Variants in C8A observed in about 807,000 individuals in gnomAD.
C8A encodes the protein complement C8 alpha chain, also known as complement component C8 alpha chain.
A neutral mutation model predicts 65.3 loss-of-function variants in C8A; 67 were observed. The ratio of observed to expected loss-of-function variants is 1.03; its 90% CI spans 0.84 to 1.26. The LOEUF (loss-of-function observed/expected upper bound fraction) is 1.26. Ranked by LOEUF, C8A falls within the 50% of genes most tolerant of loss-of-function variation. The pLI, the probability that C8A is intolerant of heterozygous loss-of-function variation, is 0.00. For missense variants in C8A, 781 were observed against 723.9 expected (o/e 1.08, Z -0.90); for synonymous variants, 290 against 259.4 (o/e 1.12, Z -1.13).
intron 9 of C8A, among the ~76,000 whole-genome samples, chr1:56,911,871 C>CA (rs1644510034): frequency 2.6e-5 from 4 of 152,200 alleles, no homozygotes; most frequent in African/African-American, 9.7e-5. Context: ...ACATTTAAAA[C>CA]ACACACTTTT....
At chr1:56,916,653 A>G (rs974014185) in intron 10 of C8A, among the ~76,000 whole-genome samples, 1 of 152,190 alleles carries the variant, frequency 6.6e-6, no homozygotes, top group Non-Finnish European at 1.5e-5. Flanking sequence ...CAAATAGAGC[A>G]GCTCCACTTT....
intron 7 of C8A, among the ~76,000 whole-genome samples, chr1:56,898,016 C>T (rs749368066): frequency 6.6e-6 from 1 of 152,084 alleles, no homozygotes; most frequent in African/African-American, 2.4e-5. Context: ...ACTTGCTAGA[C>T]CCTAAAGACA....
chr1:56,877,116 C>T (rs1570324738), intron 4 of C8A, among the ~76,000 whole-genome samples: 1 of 152,308 alleles, frequency 6.6e-6, no homozygotes, highest in East Asian at 1.9e-4. Flanking sequence ...CATGTGAGGA[C>T]ACAGCGAAAA....
chr1:56,868,538 C>T (rs758373527), intron 2 of C8A, among the ~76,000 whole-genome samples: 5 of 151,930 alleles, frequency 3.3e-5, no homozygotes, highest in Non-Finnish European at 5.9e-5. Context: ...GGATCACTTG[C>T]GCCCAGGAGT....
At position 56,898,262 on chromosome 1, in the gene C8A, T is replaced by A. The variant is rs566361008; in HGVS notation, c.1097-8405T>A. ...ATAGTGATGATAACAGTGGCTAGAG[T>A]CAGTGTTGACCTCTCAGAAACCACA... On this transcript the variant is annotated intron_variant, in intron 7 of 10. Transcript: ENST00000361249. Among the ~76,000 whole-genome samples, 31 of 151,492 alleles carry A rather than the reference T, an allele frequency of 2.0e-4. No homozygotes were observed. The South Asian group carries it at 6.3e-3, about 31-fold the overall frequency.
intron 1 of C8A, among the ~76,000 whole-genome samples, chr1:56,862,993 A>C (rs950641448): frequency 2.0e-5 from 3 of 152,188 alleles, no homozygotes; most frequent in Non-Finnish European, 2.9e-5. Flanking sequence ...GGACTCAATA[A>C]TCTAATTGTT....
At chr1:56,856,105 T>G (rs1399689698) in intron 1 of C8A, among the ~76,000 whole-genome samples, 3 of 152,054 alleles carry the variant, frequency 2.0e-5, no homozygotes, top group African/African-American at 7.2e-5. Context: ...AAATTTCAAG[T>G]CAAGGCAAAA....
rs1644566126 is a variant in C8A, at chr1:56,917,820, C to A, written c.*104C>A. On this transcript the variant is annotated 3_prime_UTR_variant, in exon 11 of 11. Transcript: ENST00000361249. ...CTAAGAGAAGATGCAAATCAGCACA[C>A]TTTTTTCTTTGTTCTGCCAGCTTCC... 1.4e-6 allele frequency: 2 copies of A among 1,417,790 alleles called. No individual in the cohort carries two copies. Among genetic ancestry groups the A allele is most frequent in the Admixed American group, 3.7e-5 (2 of 53,462 alleles). The allele number at this position is 1,417,790 out of a possible 1,614,324, so 87.8% of individuals were successfully genotyped here.
intron 2 of C8A, among the ~76,000 whole-genome samples, chr1:56,869,628 C>T (rs767261086): frequency 6.6e-6 from 1 of 152,128 alleles, no homozygotes; most frequent in Non-Finnish European, 1.5e-5. Flanking sequence ...TATATTGCCA[C>T]CAGTAGTGTA....
intron 1 of C8A, 37 bp from the exon 2 acceptor site, chr1:56,867,572 A>G (rs750444461): frequency 4.8e-5 from 70 of 1,464,538 alleles, no homozygotes; most frequent in Non-Finnish European, 6.6e-5. Flanking sequence ...TAAATTTTGC[A>G]TCTCAAAATT....
chr1:56,917,478 A>C, intron 10 of C8A, 87 bp from the exon 11 acceptor site: 2 of 1,424,996 alleles, frequency 1.4e-6, no homozygotes, highest in Non-Finnish European at 2.0e-6. Flanking sequence ...CAAGGGTGCC[A>C]CACACCCCTC....
chr1:56,863,968 G>A (rs1169641791), intron 1 of C8A, among the ~76,000 whole-genome samples: 1 of 148,624 alleles, frequency 6.7e-6, no homozygotes, highest in African/African-American at 2.5e-5. Context: ...TATTTACTGA[G>A]CACTTTCCAT....
At chr1:56,911,896 G>A (rs1194106262) in intron 9 of C8A, among the ~76,000 whole-genome samples, 1 of 152,216 alleles carries the variant, frequency 6.6e-6, no homozygotes, top group African/African-American at 2.4e-5. Flanking sequence ...CTTCCTAAAT[G>A]TGGTGGAGAG....
rs919725761 is a variant in C8A, at chr1:56,909,867, T to C, written c.1380+1754T>C. 2.0e-5 allele frequency among the ~76,000 whole-genome samples: 3 copies of C among 152,182 alleles called. No homozygotes were observed. In the South Asian group the frequency reaches 6.2e-4, roughly 32 times the overall value. ...TTGAAGAAACAGGTTCAGCACAATA[T>C]CTCGAAATTGGCAAATGATAGAGTC... On this transcript the variant is annotated intron_variant, in intron 9 of 10. Coordinates refer to ENST00000361249, the MANE Select transcript of C8A (RefSeq NM_000562.3).
chr1:56,894,150 G>A (rs1382712281), intron 7 of C8A, among the ~76,000 whole-genome samples: 1 of 152,100 alleles, frequency 6.6e-6, no homozygotes, highest in African/African-American at 2.4e-5. Flanking sequence ...GGGGATAAGA[G>A]GAAGATCCAT....
At chr1:56,888,740 T>C (rs1160787771) in intron 7 of C8A, among the ~76,000 whole-genome samples, 1 of 152,084 alleles carries the variant, frequency 6.6e-6, no homozygotes, top group East Asian at 1.9e-4. Flanking sequence ...TTCAAAAACA[T>C]GAGGAAGGAA....
At chr1:56,878,552 C>T (rs1481792297) in intron 4 of C8A, among the ~76,000 whole-genome samples, 2 of 152,220 alleles carry the variant, frequency 1.3e-5, no homozygotes, top group Non-Finnish European at 2.9e-5. Flanking sequence ...TCCTGCTCCA[C>T]TCCAGCCACT....
chr1:56,875,357 T>C (rs1644188168), intron 3 of C8A, among the ~76,000 whole-genome samples: 1 of 152,174 alleles, frequency 6.6e-6, no homozygotes, highest in Admixed American at 6.5e-5. Flanking sequence ...ACAAATATTA[T>C]TGACCACATA....
chr1:56,870,991 A>G (rs1340236102), intron 2 of C8A, among the ~76,000 whole-genome samples: 3 of 152,324 alleles, frequency 2.0e-5, no homozygotes, highest in African/African-American at 7.2e-5. Flanking sequence ...CTAAGGGAAT[A>G]TTGGCACCAA....
Sources: allele counts gnomAD v4.1 joint callset (sites outside exome capture counted in the v4.1 genomes callset), GRCh38; gene constraint gnomAD v4.1.1; transcripts MANE v1.5; gene names NCBI Gene and HGNC (gene_info 2026-07-23, HGNC 2026-07-21).